Variants in FASTKD1 observed in about 807,000 individuals in gnomAD.
FASTKD1 encodes FAST kinase domain-containing protein 1, mitochondrial.
Under a neutral mutation model 90.9 loss-of-function variants are expected in FASTKD1, and 94 were observed. The ratio of observed to expected loss-of-function variants is 1.03; its 90% CI spans 0.88 to 1.23. FASTKD1 has a LOEUF of 1.23. Ranked by LOEUF, FASTKD1 falls within the 50% of genes most tolerant of loss-of-function variation. FASTKD1 has a pLI of 0.00. For missense variants in FASTKD1, 945 were observed against 993.5 expected, an observed-to-expected ratio of 0.95 and a Z score of 0.66; for synonymous variants, 319 against 345.8, an observed-to-expected ratio of 0.92 and a Z score of 0.86.
chr2:169,536,202 C>T (rs147210384), intron 12 of FASTKD1, among the ~76,000 whole-genome samples: 1 of 152,240 alleles, frequency 6.6e-6, no homozygotes, highest in African/African-American at 2.4e-5. Flanking sequence ...TCAGTTAATC[C>T]TATCAAGTAG....
Position 169,546,399 on chromosome 2 carries a change from A to G in FASTKD1, c.1520T>C (p.Leu507Pro), listed in dbSNP as rs940638354. 1 of 1,614,026 alleles carries G rather than the reference A, an allele frequency of 6.2e-7. No homozygotes were observed. Among genetic ancestry groups the G allele is most frequent in the Middle Eastern group, 1.6e-4 (1 of 6,062 alleles). ...TGACTCAGGAAACGTGTTTCCTTTG[A>G]GAGATTTAAGTTCCTTCCGTAACAG... is the stretch of plus-strand genomic sequence containing the variant. The part of the protein sequence containing the change: ...LDLLRKELKS[L>P]KGNTFPESLL... The change falls in exon 8 of 15, where the codon CTC becomes CCC. Residue 507 changes from leucine (L) to proline (P), a missense_variant. Transcript: ENST00000453153.
intron 4 of FASTKD1, 24 bp downstream of exon 4, chr2:169,563,201 A>C: frequency 6.2e-7 from 1 of 1,604,924 alleles, no homozygotes. Context: ...CCACCACAAC[A>C]CAAGATTCCC....
At chr2:169,569,502 A>G (rs942702104) in intron 2 of FASTKD1, among the ~76,000 whole-genome samples, 21 of 152,148 alleles carry the variant, frequency 1.4e-4, no homozygotes, top group Admixed American at 3.9e-4. Context: ...GACCAATGAT[A>G]ATGTTCAACA....
intron 2 of FASTKD1, 135 bp downstream of exon 2, chr2:169,571,518 C>T: frequency 1.7e-6 from 1 of 573,926 alleles, no homozygotes; most frequent in East Asian, 3.4e-5. Flanking sequence ...GAGCCGAGAT[C>T]ATGCCACTGC....
In FASTKD1 at chr2:169,546,359, C is replaced by A; in HGVS notation, c.1560G>T (p.Met520Ile). The A allele has an allele frequency of 6.2e-7, 1 of 1,614,060 alleles. No homozygotes were observed. Among genetic ancestry groups the A allele is most frequent in the Non-Finnish European group, 8.5e-7 (1 of 1,180,020 alleles). ...NTFPESLLEEMIATLQHFMDD... is the reference protein window; with the variant it reads ...NTFPESLLEEIIATLQHFMDD... ...CCATGAAATGCTGTAAAGTAGCAAT[C>A]ATTTCTTCAAGAAGTGACTCAGGAA... The change falls in exon 8 of 15, where the codon ATG becomes ATT. Residue 520 changes from methionine to isoleucine, a missense_variant. By Grantham distance (10) the Met-to-Ile change is conservative. Transcript: ENST00000453153.
chr2:169,565,248 G>GT (rs1559159903), intron 3 of FASTKD1, among the ~76,000 whole-genome samples: 10 of 67,764 alleles, frequency 1.5e-4, no homozygotes, highest in African/African-American at 3.5e-4. Context: ...ACCACACCAG[G>GT]CTTTTTTTTT....
In FASTKD1 at chr2:169,529,773, T is replaced by A; in HGVS notation, c.*52A>T. 2 of 1,321,456 alleles carry A rather than the reference T, an allele frequency of 1.5e-6. No individual in the cohort carries two copies. The highest frequency in any genetic ancestry group is 2.1e-6 in the Non-Finnish European group (2 of 935,896). 81.9% of individuals were successfully genotyped at this position (1,321,456 alleles called of 1,614,324 possible). ...ATTTTTTAATTGAGACAGGCCACTTTATTAAAATAGGTCCAAATGTAACAC... is the reference window on the plus strand; with the variant it reads ...ATTTTTTAATTGAGACAGGCCACTTAATTAAAATAGGTCCAAATGTAACAC... On this transcript the variant is annotated 3_prime_UTR_variant, in exon 15 of 15. Transcript: ENST00000453153.
chr2:169,566,986 G>A (rs966637986), intron 3 of FASTKD1, among the ~76,000 whole-genome samples: 7 of 152,030 alleles, frequency 4.6e-5, no homozygotes, highest in Non-Finnish European at 8.8e-5. Context: ...GTGGTGGCAG[G>A]TGCCTGTAGT....
intron 4 of FASTKD1, 52 bp from the exon 5 acceptor site, chr2:169,560,837 T>A: frequency 2.6e-6 from 2 of 775,176 alleles, no homozygotes; most frequent in East Asian, 4.0e-5. Context: ...GAATGATCAA[T>A]TCTTTTTTTT....
At chr2:169,553,281 A>AG (rs1685580829) in intron 7 of FASTKD1, among the ~76,000 whole-genome samples, 1 of 149,446 alleles carries the variant, frequency 6.7e-6, no homozygotes, top group African/African-American at 2.4e-5. Context: ...CAAAAAAAAA[A>AG]AAAAAAAACC....
At chr2:169,537,012 T>A in intron 12 of FASTKD1, 3 of 283,218 alleles carry the variant, frequency 1.1e-5, no homozygotes, top group East Asian at 9.7e-5. Context: ...TTTTTTTTTT[T>A]CTAAAGAATA....
chr2:169,560,593 T>C lies in FASTKD1; in HGVS notation c.765A>G (p.Val255=), dbSNP rs765459658. ...YQPLLERCNN[V]FLSNVDHLDL... is the part of the protein sequence containing the mutation. ...CAAGGTGGTCCACATTACTTAAAAA[T>C]ACGTTATTACATCTTTCTAATAGTG... Residue 255 remains valine, a synonymous_variant, in exon 5 of 15, where the codon GTA becomes GTG. Transcript: ENST00000453153. 6.2e-7 allele frequency: 1 copy of C among 1,607,942 alleles called. No homozygotes were observed. The highest frequency in any genetic ancestry group is 1.7e-5 in the Admixed American group (1 of 58,580).
At chr2:169,553,934 T>C (rs1254011361) in intron 7 of FASTKD1, among the ~76,000 whole-genome samples, 1 of 146,646 alleles carries the variant, frequency 6.8e-6, no homozygotes, top group Non-Finnish European at 1.5e-5. Context: ...AAAAAATAAA[T>C]AAATAACGGT....
intron 4 of FASTKD1, among the ~76,000 whole-genome samples, chr2:169,561,811 A>ATTGTAAATTATTTATTAATTTT (rs1683643309): frequency 6.9e-6 from 1 of 145,770 alleles, no homozygotes; most frequent in African/African-American, 2.5e-5. Flanking sequence ...TTATTAATTT[A>ATTGTAAATTATTTATTAATTTT]TTGTAAATTA....
intron 2 of FASTKD1, among the ~76,000 whole-genome samples, chr2:169,571,445 T>C (rs755223442): frequency 6.0e-5 from 9 of 151,228 alleles, no homozygotes; most frequent in Non-Finnish European, 1.3e-4. Flanking sequence ...GCGCCTGTAG[T>C]CCCATTGACT....
chr2:169,572,924 T>G (rs1684295691), intron 1 of FASTKD1: 1 of 152,218 alleles, frequency 6.6e-6, no homozygotes, highest in Non-Finnish European at 1.5e-5. Context: ...TATAATCTAA[T>G]ATTTCTGCAA....
rs1341152884 is a variant in FASTKD1, at chr2:169,559,694, A to C, written c.971+693T>G. ...CGGCCTCCCAAAGTGATGGGATTAA[A>C]GGCGTGCAACGCCGTGCCCAGCTTG... is the stretch of plus-strand genomic sequence containing the variant. On this transcript the variant is annotated intron_variant, in intron 5 of 14. Transcript: ENST00000453153. Among the ~76,000 whole-genome samples, 15 of 152,370 alleles carry C rather than the reference A, an allele frequency of 9.8e-5. No homozygotes were observed. The East Asian group carries it at 2.9e-3, about 29-fold the overall frequency.
intron 2 of FASTKD1, among the ~76,000 whole-genome samples, chr2:169,570,310 A>G (rs1444567972): frequency 6.6e-6 from 1 of 152,094 alleles, no homozygotes; most frequent in African/African-American, 2.4e-5. Flanking sequence ...TGCAAACAAC[A>G]TATTTCTTTT....
intron 7 of FASTKD1, among the ~76,000 whole-genome samples, chr2:169,547,884 C>CAAAAAAAAA (rs1158292826): frequency 0.014 from 294 of 21,320 alleles, 34 homozygotes; most frequent in Non-Finnish European, 0.019. Context: ...GACTCCATCT[C>CAAAAAAAAA]AAAAAAAAAA....
Sources: allele counts gnomAD v4.1 joint callset (sites outside exome capture counted in the v4.1 genomes callset), GRCh38; gene constraint gnomAD v4.1.1; transcripts MANE v1.5; gene names NCBI Gene and HGNC (gene_info 2026-07-23, HGNC 2026-07-21).